MEF2C: variants seen among roughly 807,000 people sequenced by gnomAD.
The protein encoded by MEF2C is myocyte enhancer factor 2C.
Under a neutral mutation model 50.5 loss-of-function variants are expected in MEF2C, and 6 were observed. That is an observed-to-expected ratio of 0.12 (90% CI 0.07 to 0.23). MEF2C has a LOEUF of 0.23. Among genes scored for constraint, MEF2C ranks in the 10% least tolerant of loss-of-function variants. MEF2C has a pLI of 1.00. For missense variants in MEF2C, 276 were observed against 605.0 expected, an observed-to-expected ratio of 0.46 and a Z score of 5.70; for synonymous variants, 183 against 228.0, an observed-to-expected ratio of 0.80 and a Z score of 1.78.
chr5:88,875,032 T>A (rs1243638733), intron 1 of MEF2C, among the ~76,000 whole-genome samples: 1 of 151,976 alleles, frequency 6.6e-6, no homozygotes, highest in Non-Finnish European at 1.5e-5. Flanking sequence ...TATTTTTTAA[T>A]AGGATTTTTT....
intron 1 of MEF2C, among the ~76,000 whole-genome samples, chr5:88,862,226 A>G (rs1293748773): frequency 6.6e-6 from 1 of 152,208 alleles, no homozygotes; most frequent in Non-Finnish European, 1.5e-5. Flanking sequence ...CGAAATAATA[A>G]AACAATCTTT....
At position 88,739,000 on chromosome 5, in the gene MEF2C, G is replaced by C. The variant is rs1013983107; in HGVS notation, c.638-7099C>G. On this transcript the variant is annotated intron_variant, in intron 6 of 10. Coordinates refer to ENST00000504921, the MANE Select transcript of MEF2C (RefSeq NM_002397.5). ...AAATATGCTTTTAAAAGTAGATTTT[G>C]TAATATTTTAGTCAATAATCTTCTC... The C allele has an allele frequency of 9.4e-5, 92 of 979,840 alleles. No homozygotes were observed. In the African/African-American group the frequency reaches 1.5e-3, roughly 16 times the overall value. 60.7% of individuals were successfully genotyped at this position (979,840 alleles called of 1,614,324 possible).
chr5:88,880,517 C>CAAT (rs1832508233), intron 1 of MEF2C, among the ~76,000 whole-genome samples: 1 of 151,992 alleles, frequency 6.6e-6, no homozygotes, highest in Admixed American at 6.6e-5. Flanking sequence ...CTACAATAAA[C>CAAT]AGAAGAAAGT....
chr5:88,809,031 A>C (rs1303639615), intron 2 of MEF2C, among the ~76,000 whole-genome samples: 2 of 152,136 alleles, frequency 1.3e-5, no homozygotes, highest in Admixed American at 1.3e-4. Context: ...AAAGAGACTT[A>C]ATGTGTGATA....
intron 6 of MEF2C, chr5:88,738,259 C>G (rs2152379989): frequency 2.0e-6 from 2 of 985,336 alleles, no homozygotes; most frequent in Non-Finnish European, 2.4e-6. Context: ...CAGTCATTGA[C>G]AATCTTACCA....
chr5:88,830,439 AT>A (rs1372344047), intron 1 of MEF2C, among the ~76,000 whole-genome samples: 1 of 152,074 alleles, frequency 6.6e-6, no homozygotes, highest in Non-Finnish European at 1.5e-5. Context: ...CAGTTCCAGA[AT>A]TTAGGAGACA....
At chr5:88,788,174 GTTTGTTTATTTA>G (rs1317943544) in intron 3 of MEF2C, among the ~76,000 whole-genome samples, 2 of 115,670 alleles carry the variant, frequency 1.7e-5, no homozygotes, top group Non-Finnish European at 4.0e-5. Context: ...CAGTTTGTTT[GTTTGTTTATTTA>G]TTTATTTATT....
chr5:88,903,858 A>C (rs1835909614), intron 1 of MEF2C: 1 of 151,650 alleles, frequency 6.6e-6, no homozygotes, highest in Admixed American at 6.6e-5. Context: ...TGCCTCTTTC[A>C]AGACAACAAA....
At chr5:88,834,209 T>C (rs1304532614) in intron 1 of MEF2C, among the ~76,000 whole-genome samples, 1 of 152,018 alleles carries the variant, frequency 6.6e-6, no homozygotes, top group African/African-American at 2.4e-5. Context: ...GGAGTTCAGG[T>C]CCTCTAACAG....
At chr5:88,859,274 G>C (rs1364125836) in intron 1 of MEF2C, among the ~76,000 whole-genome samples, 1 of 152,172 alleles carries the variant, frequency 6.6e-6, no homozygotes, top group African/African-American at 2.4e-5. Flanking sequence ...ATAAGCTGCA[G>C]TGTGACGGTA....
At chr5:88,899,145 A>G (rs1303823234) in intron 1 of MEF2C, among the ~76,000 whole-genome samples, 1 of 152,148 alleles carries the variant, frequency 6.6e-6, no homozygotes, top group African/African-American at 2.4e-5. Context: ...TAATTTTGAG[A>G]ATGAGACTTT....
intron 1 of MEF2C, among the ~76,000 whole-genome samples, chr5:88,830,939 T>C (rs966331943): frequency 6.6e-6 from 1 of 152,080 alleles, no homozygotes; most frequent in African/African-American, 2.4e-5. Flanking sequence ...TTAAGCACTA[T>C]ACAACATCAA....
At chr5:88,877,906 T>C (rs1348683344) in intron 1 of MEF2C, 1 of 152,010 alleles carries the variant, frequency 6.6e-6, no homozygotes, top group Non-Finnish European at 1.5e-5. Context: ...TCATTGCAAA[T>C]TATTTTCTTT....
intron 3 of MEF2C, among the ~76,000 whole-genome samples, chr5:88,796,311 T>C (rs1279324988): frequency 6.6e-6 from 1 of 152,206 alleles, no homozygotes; most frequent in African/African-American, 2.4e-5. Context: ...CTGCCTCAAT[T>C]TCAGCACTTG....
chr5:88,895,336 G>T (rs1835008882), intron 1 of MEF2C, among the ~76,000 whole-genome samples: 1 of 152,022 alleles, frequency 6.6e-6, no homozygotes, highest in Admixed American at 6.6e-5. Flanking sequence ...CCTTGTCAGT[G>T]TTCTATATAA....
rs1304460555 is a variant in MEF2C, at chr5:88,761,472, C to T, written c.259-144G>A. 4.0e-6 allele frequency: 4 copies of T among 1,006,166 alleles called. No homozygotes were observed. In the East Asian group the frequency reaches 7.5e-5, roughly 19 times the overall value. 62.3% of individuals were successfully genotyped at this position (1,006,166 alleles called of 1,614,324 possible). A position where few individuals can be genotyped will look rare whatever the true frequency, so the allele number is the denominator to read the frequency against. The stretch of plus-strand genomic sequence containing the variant: ...AGGGAAGAGAAACCACAGATGAAAG[C>T]TGAGTCATTTCAATCGAGTGCTCAT... On this transcript the variant is annotated intron_variant, in intron 3 of 10. Transcript: ENST00000504921.
At chr5:88,860,724 A>G (rs992202065) in intron 1 of MEF2C, among the ~76,000 whole-genome samples, 7 of 152,122 alleles carry the variant, frequency 4.6e-5, no homozygotes, top group Admixed American at 1.3e-4. Context: ...AGAGCTTCCA[A>G]TTTGCTGTGG....
chr5:88,881,706 CA>C (rs1832893213), intron 1 of MEF2C, among the ~76,000 whole-genome samples: 1 of 145,160 alleles, frequency 6.9e-6, no homozygotes, highest in African/African-American at 2.6e-5. Flanking sequence ...TGCAAGGTGC[CA>C]GTGAAAGTAG....
At chr5:88,842,937 T>C (rs1393165469) in intron 1 of MEF2C, among the ~76,000 whole-genome samples, 1 of 152,174 alleles carries the variant, frequency 6.6e-6, no homozygotes, top group African/African-American at 2.4e-5. Context: ...ATGTCTGGAC[T>C]GGAGAGGGCA....
Sources: gnomAD v4.1 joint callset for allele counts (sites outside exome capture counted in the v4.1 genomes callset) on GRCh38, gnomAD v4.1.1 for gene constraint, MANE v1.5 for transcripts, NCBI Gene and HGNC (gene_info 2026-07-23, HGNC 2026-07-21) for gene names.